The following NSD1 variants were observed in gnomAD, a reference collection of about 807,000 sequenced individuals.
The protein encoded by NSD1 is nuclear receptor binding SET domain protein 1.
NSD1 carries 26 observed loss-of-function variants against 242.7 expected under a neutral mutation model. The observed-to-expected ratio is 0.11, with a 90% CI of 0.08 to 0.15. The LOEUF is 0.15. Ranked by LOEUF, NSD1 falls within the 10% of genes least tolerant of loss-of-function variation. The probability of loss-of-function intolerance (pLI) is 1.00; values close to 1 mark genes in which losing one functional copy is unlikely to be tolerated. For missense variants in NSD1, 2,495 were observed against 3,272.8 expected (o/e 0.76, Z 5.80); for synonymous variants, 1,106 against 1,178.1 (o/e 0.94, Z 1.25).
intron 12 of NSD1, among the ~76,000 whole-genome samples, chr5:177,254,043 G>A (rs1756222681): frequency 6.6e-6 from 1 of 152,124 alleles, no homozygotes; most frequent in Non-Finnish European, 1.5e-5. Context: ...CGCCTCCTGG[G>A]TTCAAGCAAG....
At chr5:177,267,481 A>G (rs1265359179) in intron 14 of NSD1, 81 bp from the exon 15 acceptor site, 8 of 1,152,970 alleles carry the variant, frequency 6.9e-6, no homozygotes, top group Non-Finnish European at 1.0e-5. Context: ...GAAAGAAAAT[A>G]TATATATATA....
intron 2 of NSD1, among the ~76,000 whole-genome samples, chr5:177,152,307 G>T (rs1445019898): frequency 6.9e-6 from 1 of 145,798 alleles, no homozygotes; most frequent in East Asian, 2.1e-4. Flanking sequence ...TGCCGAGCCA[G>T]GTTGTGTGTG....
chr5:177,249,216 A>G (rs1222668769), intron 11 of NSD1, among the ~76,000 whole-genome samples: 3 of 152,236 alleles, frequency 2.0e-5, no homozygotes, highest in South Asian at 2.1e-4. Context: ...GCTCATACCT[A>G]CAATCACAGT....
In NSD1 at chr5:177,257,144, A is replaced by G; in HGVS notation, c.4959A>G (p.Ala1653=). The G allele has an allele frequency of 6.2e-7, 1 of 1,613,632 alleles. No homozygotes were observed. The highest frequency in any genetic ancestry group is 8.5e-7 in the Non-Finnish European group (1 of 1,179,664). Residue 1653 remains alanine (A), a synonymous_variant, in exon 13 of 23, where the codon GCA becomes GCG. Transcript: ENST00000439151. ...CTGCTAATCCAGCCAATGTTTCTGC[A>G]TCTAAAGGTATGGATTTCTTATGTG... ...CHAANPANVS[A]SKGRLMRCVR...
Position 177,299,790 on chromosome 5 carries a change from CAG to C in NSD1, c.*4336_*4337del. On this transcript the variant is annotated 3_prime_UTR_variant, in exon 23 of 23. Coordinates refer to ENST00000439151, the MANE Select transcript of NSD1 (RefSeq NM_022455.5). ...AAGTTTCGTGGACAAGACATGGGCA[CAG>C]AGAGTAGAAGCAGAAATAAATGGTT... 4.3e-6 allele frequency: 1 copy of C among 233,242 alleles called. No homozygotes were observed. The highest frequency in any genetic ancestry group is 5.6e-5 in the Admixed American group (1 of 17,792). The allele number at this position is 233,242 out of a possible 1,614,324, so 14.4% of individuals were successfully genotyped here.
intron 2 of NSD1, among the ~76,000 whole-genome samples, chr5:177,147,070 G>A (rs1357233402): frequency 2.0e-5 from 3 of 151,344 alleles, no homozygotes; most frequent in South Asian, 2.1e-4. Flanking sequence ...GTTGCCAGCC[G>A]TTTTAAAACT....
At position 177,221,408 on chromosome 5, in the gene NSD1, C is replaced by T. The variant is rs142167168; in HGVS notation, c.3796+9213C>T. Reference sequence around the variant, plus strand: ...CATGGGGCTTAAATAAAACATCTTACAGGTACAGTAATCTATTTTAAGCTG... The same window carrying T: ...CATGGGGCTTAAATAAAACATCTTATAGGTACAGTAATCTATTTTAAGCTG... On this transcript the variant is annotated intron_variant, in intron 5 of 22. Coordinates refer to ENST00000439151, the MANE Select transcript of NSD1 (RefSeq NM_022455.5). 1.3e-4 allele frequency among the ~76,000 whole-genome samples: 19 copies of T among 151,962 alleles called. 1 individual carries two copies. In the East Asian group the frequency reaches 3.7e-3, roughly 29 times the overall value.
At chr5:177,188,827 A>G (rs188172465) in intron 2 of NSD1, among the ~76,000 whole-genome samples, 2 of 151,930 alleles carry the variant, frequency 1.3e-5, no homozygotes, top group Non-Finnish European at 2.9e-5. Flanking sequence ...CTTGGTGGAT[A>G]TTAACTTTTG....
At chr5:177,177,109 G>T (rs1760269022) in intron 2 of NSD1, among the ~76,000 whole-genome samples, 1 of 152,130 alleles carries the variant, frequency 6.6e-6, no homozygotes, top group Non-Finnish European at 1.5e-5. Context: ...CTGTTGTCCA[G>T]GCTGGAGTAT....
chr5:177,154,972 A>G (rs528955097), intron 2 of NSD1, among the ~76,000 whole-genome samples: 1 of 150,944 alleles, frequency 6.6e-6, no homozygotes, highest in African/African-American at 2.4e-5. Context: ...CTGGGATTAC[A>G]GGCGTGAGGC....
Position 177,298,671 on chromosome 5 carries a change from GGCATGAAACACCCT to G in NSD1, c.*3214_*3227del. ...ATCCTTCACCCCACACTATGGTCAG[GGCATGAAACACCCT>G]GTTGATCCCTTCCCAGGCTCGGCAC... On this transcript the variant is annotated 3_prime_UTR_variant, in exon 23 of 23. Transcript: ENST00000439151. 4.3e-6 allele frequency: 1 copy of G among 233,232 alleles called. No homozygotes were observed. Among genetic ancestry groups the G allele is most frequent in the East Asian group, 6.0e-5 (1 of 16,590 alleles). 14.4% of individuals were successfully genotyped at this position (233,232 alleles called of 1,614,324 possible).
intron 2 of NSD1, among the ~76,000 whole-genome samples, chr5:177,155,815 A>C (rs1758083906): frequency 6.6e-6 from 1 of 151,556 alleles, no homozygotes; most frequent in African/African-American, 2.4e-5. Context: ...CTTCCCCAGT[A>C]GCTGGGATTA....
chr5:177,186,861 A>G (rs2149815346), intron 2 of NSD1, among the ~76,000 whole-genome samples: 1 of 152,092 alleles, frequency 6.6e-6, no homozygotes, highest in South Asian at 2.1e-4. Flanking sequence ...CAGCTATTCG[A>G]GTGGCTGAAA....
intron 9 of NSD1, among the ~76,000 whole-genome samples, chr5:177,245,217 A>G (rs1169416204): frequency 6.6e-6 from 1 of 152,238 alleles, no homozygotes; most frequent in East Asian, 1.9e-4. Context: ...CTGGGCAACA[A>G]TGCGAGACCA....
chr5:177,179,731 T>C (rs1760503480), intron 2 of NSD1, among the ~76,000 whole-genome samples: 1 of 152,104 alleles, frequency 6.6e-6, no homozygotes, highest in Non-Finnish European at 1.5e-5. Context: ...ACAGAAGGAT[T>C]TTGAGAAGTC....
chr5:177,159,005 T>TATATATATATGAATG lies in NSD1; in HGVS notation c.927+22985_927+22986insGAATGATATATATAT, dbSNP rs1282924451. On this transcript the variant is annotated intron_variant, in intron 2 of 22. Coordinates refer to ENST00000439151, the MANE Select transcript of NSD1 (RefSeq NM_022455.5). ...ACATATATATGAATGATTTTATATA[T>TATATATATATGAATG]ATATATATATATATATATATGAATG... Among the ~76,000 whole-genome samples, 242 of 88,874 alleles carry TATATATATATGAATG rather than the reference T, an allele frequency of 2.7e-3. 5 individuals are homozygous for TATATATATATGAATG. Among genetic ancestry groups the TATATATATATGAATG allele is most frequent in the African/African-American group, 0.014 (228 of 15,912 alleles). 58.3% of individuals were successfully genotyped at this position (88,874 alleles called of 152,430 possible). A position where few individuals can be genotyped will look rare whatever the true frequency, so the allele number is the denominator to read the frequency against.
In NSD1 at chr5:177,135,990, C is replaced by A; in HGVS notation, c.887C>A (p.Pro296His). The A allele has an allele frequency of 2.5e-6, 4 of 1,614,054 alleles. No individual in the cohort carries two copies. The highest frequency in any genetic ancestry group is 3.4e-6 in the Non-Finnish European group (4 of 1,180,014). The change falls in exon 2 of 23, where the codon CCT becomes CAT. Residue 296 changes from proline (P) to histidine (H), a missense_variant. Pro to His is a moderately conservative substitution (Grantham distance 77, BLOSUM62 -2). Coordinates refer to ENST00000439151, the MANE Select transcript of NSD1 (RefSeq NM_022455.5). ...TSTLGNMLEL[P>H]GTSSSSTSQE... ...ACATTAGGAAACATGCTAGAATTAC[C>A]TGGAACTTCATCATCATCTACTTCA... is the stretch of plus-strand genomic sequence containing the variant.
intron 9 of NSD1, among the ~76,000 whole-genome samples, chr5:177,245,749 C>A (rs1349451554): frequency 2.0e-5 from 3 of 151,430 alleles, no homozygotes; most frequent in Non-Finnish European, 4.4e-5. Flanking sequence ...GATTCTCCTG[C>A]CTCAGCCTCC....
At chr5:177,220,541 AT>A (rs1222820462) in intron 5 of NSD1, among the ~76,000 whole-genome samples, 1 of 77,358 alleles carries the variant, frequency 1.3e-5, no homozygotes, top group East Asian at 3.6e-4. Flanking sequence ...AGTTTAATCC[AT>A]TTTTTTTCTT....
Sources: gnomAD v4.1 joint callset for allele counts (sites outside exome capture counted in the v4.1 genomes callset) on GRCh38, gnomAD v4.1.1 for gene constraint, MANE v1.5 for transcripts, NCBI Gene and HGNC (gene_info 2026-07-23, HGNC 2026-07-21) for gene names.